The following ARL15 variants were observed in gnomAD, a reference collection of about 807,000 sequenced individuals.
ARL15 encodes ARF like GTPase 15, also known as ADP-ribosylation factor-like protein 15.
Under a neutral mutation model 25.2 loss-of-function variants are expected in ARL15, and 19 were observed. The observed-to-expected ratio is 0.75, with a 90% confidence interval of 0.53 to 1.10. ARL15 has a LOEUF of 1.10. ARL15 is among the 50% of genes least tolerant of loss of function. The pLI, the probability that ARL15 is intolerant of heterozygous loss-of-function variation, is 0.00. For missense variants in ARL15, 220 were observed against 246.0 expected, an observed-to-expected ratio of 0.89 and a Z score of 0.71; for synonymous variants, 94 against 86.8, an observed-to-expected ratio of 1.08 and a Z score of -0.46.
At chr5:54,239,489 G>C (rs778811028) in intron 1 of ARL15, among the ~76,000 whole-genome samples, 9 of 152,168 alleles carry the variant, frequency 5.9e-5, no homozygotes, top group Non-Finnish European at 1.3e-4. Context: ...GGGAGTCTGT[G>C]TCCCTGTAGA....
chr5:54,109,121 G>A (rs1437608688), intron 4 of ARL15, among the ~76,000 whole-genome samples: 3 of 151,888 alleles, frequency 2.0e-5, no homozygotes, highest in Admixed American at 2.0e-4. Context: ...ATTGAGAAAT[G>A]GCCTGATCAC....
intron 3 of ARL15, among the ~76,000 whole-genome samples, chr5:54,130,432 A>T (rs1753395700): frequency 1.3e-5 from 2 of 152,196 alleles, no homozygotes; most frequent in Admixed American, 6.5e-5. Flanking sequence ...TTCTTTAATC[A>T]AGGAAAATCC....
chr5:54,128,671 C>T (rs942605268), intron 3 of ARL15, among the ~76,000 whole-genome samples: 2 of 151,176 alleles, frequency 1.3e-5, no homozygotes, highest in African/African-American at 4.9e-5. Context: ...TATCTCTGAG[C>T]AACACAAGTA....
At chr5:54,226,131 A>T (rs1201494372) in intron 1 of ARL15, among the ~76,000 whole-genome samples, 10 of 152,296 alleles carry the variant, frequency 6.6e-5, no homozygotes, top group Admixed American at 5.2e-4. Flanking sequence ...AGCAGAAGTT[A>T]AAAGGGCAAG....
chr5:54,108,695 TTTA>T (rs1752654226), intron 4 of ARL15, among the ~76,000 whole-genome samples: 1 of 151,990 alleles, frequency 6.6e-6, no homozygotes, highest in Non-Finnish European at 1.5e-5. Context: ...TAAACTATAG[TTTA>T]TTATCTAGAG....
At chr5:54,154,533 T>C (rs1579853816) in intron 3 of ARL15, 47 bp downstream of exon 3, 1 of 1,243,462 alleles carries the variant, frequency 8.0e-7, no homozygotes, top group Admixed American at 3.0e-5. Context: ...TATTACCAAA[T>C]TCATAAAAGT....
chr5:54,007,466 G>A (rs886740850), intron 4 of ARL15, among the ~76,000 whole-genome samples: 2 of 151,996 alleles, frequency 1.3e-5, no homozygotes, highest in Non-Finnish European at 2.9e-5. Flanking sequence ...CCTCTAAAAT[G>A]GCATATGATC....
At chr5:53,912,719 A>C (rs925043369) in intron 4 of ARL15, among the ~76,000 whole-genome samples, 11 of 152,196 alleles carry the variant, frequency 7.2e-5, no homozygotes, top group African/African-American at 2.4e-4. Context: ...GAGACTAAAG[A>C]TTGCTAGAGT....
intron 4 of ARL15, among the ~76,000 whole-genome samples, chr5:53,979,032 A>G (rs1748035598): frequency 6.6e-6 from 1 of 152,162 alleles, no homozygotes; most frequent in Non-Finnish European, 1.5e-5. Flanking sequence ...TGTCTTTATC[A>G]AGGGAGTCAG....
intron 1 of ARL15, among the ~76,000 whole-genome samples, chr5:54,175,551 T>C (rs924177235): frequency 6.6e-6 from 1 of 151,956 alleles, no homozygotes; most frequent in Admixed American, 6.6e-5. Context: ...GCCAGGCTGG[T>C]CTTGAACTCT....
chr5:54,031,715 CTT>C (rs1202962149), intron 4 of ARL15, among the ~76,000 whole-genome samples: 5 of 152,136 alleles, frequency 3.3e-5, no homozygotes, highest in African/African-American at 1.2e-4. Context: ...TTGACATGCT[CTT>C]GTCTTTGTTG....
chr5:54,306,391 CTTT>C (rs11338403), intron 1 of ARL15, among the ~76,000 whole-genome samples: 4 of 134,494 alleles, frequency 3.0e-5, no homozygotes, highest in Non-Finnish European at 3.1e-5. Context: ...AATACGTTAA[CTTT>C]TTTTTTTTTT....
At chr5:54,143,849 A>G (rs1314569441) in intron 3 of ARL15, among the ~76,000 whole-genome samples, 1 of 152,054 alleles carries the variant, frequency 6.6e-6, no homozygotes, top group East Asian at 1.9e-4. Context: ...AACTTTCAAA[A>G]CTTTCTTAAA....
At position 53,969,370 on chromosome 5, in the gene ARL15, A is replaced by G. The variant is rs993856529; in HGVS notation, c.463-82657T>C. On this transcript the variant is annotated intron_variant, in intron 4 of 4. Transcript: ENST00000504924. Reference sequence around the variant, plus strand: ...CATACTTTTTTTCTTTTTGGTAACTATTCATGGCAGAACTTCAACTACTTT... The same window carrying G: ...CATACTTTTTTTCTTTTTGGTAACTGTTCATGGCAGAACTTCAACTACTTT... Among the ~76,000 whole-genome samples the G allele has an allele frequency of 4.2e-4, 64 of 152,294 alleles. 1 individual carries two copies. Among genetic ancestry groups the G allele is most frequent in the Non-Finnish European group, 8.7e-4 (59 of 68,018 alleles).
chr5:54,104,843 G>A (rs1346049151), intron 4 of ARL15, among the ~76,000 whole-genome samples: 1 of 151,966 alleles, frequency 6.6e-6, no homozygotes, highest in African/African-American at 2.4e-5. Context: ...ACAGAATCAA[G>A]AGGAAGTTTT....
intron 4 of ARL15, among the ~76,000 whole-genome samples, chr5:54,100,589 A>G (rs1020127981): frequency 4.6e-5 from 7 of 152,106 alleles, no homozygotes; most frequent in African/African-American, 1.7e-4. Context: ...CATTTGACTC[A>G]GTAAACTGCT....
chr5:54,050,007 C>G (rs1475911710), intron 4 of ARL15, among the ~76,000 whole-genome samples: 1 of 152,142 alleles, frequency 6.6e-6, no homozygotes, highest in African/African-American at 2.4e-5. Context: ...ACTGTACTAG[C>G]CTTCCTCTTC....
chr5:53,976,166 C>A (rs1316812284), intron 4 of ARL15, among the ~76,000 whole-genome samples: 1 of 152,126 alleles, frequency 6.6e-6, no homozygotes, highest in East Asian at 1.9e-4. Context: ...ATAATCCCTG[C>A]ACTGAGGGTC....
chr5:54,292,390 T>C (rs79927539), intron 1 of ARL15, among the ~76,000 whole-genome samples: 1,540 of 152,284 alleles, frequency 0.01, 29 homozygotes, highest in African/African-American at 0.035. Flanking sequence ...GTTTCTGACA[T>C]GTCGTGTGGA....
Sources: allele counts gnomAD v4.1 joint callset (sites outside exome capture counted in the v4.1 genomes callset), GRCh38; gene constraint gnomAD v4.1.1; transcripts MANE v1.5; gene names NCBI Gene and HGNC (gene_info 2026-07-23, HGNC 2026-07-21).